The following SPATA22 variants were observed in gnomAD, a reference collection of about 807,000 sequenced individuals.
SPATA22 encodes spermatogenesis-associated protein 22.
Under a neutral mutation model 47.8 loss-of-function variants are expected in SPATA22, and 29 were observed. The ratio of observed to expected loss-of-function variants is 0.61; its 90% confidence interval spans 0.45 to 0.83. The LOEUF (loss-of-function observed/expected upper bound fraction) is 0.83. Ranked by LOEUF, SPATA22 falls within the 40% of genes least tolerant of loss-of-function variation. SPATA22 has a pLI of 0.00. For missense variants in SPATA22, 410 were observed against 421.7 expected, an observed-to-expected ratio of 0.97 and a Z score of 0.24; for synonymous variants, 133 against 140.9, an observed-to-expected ratio of 0.94 and a Z score of 0.40.
chr17:3,510,166 T>C (rs755044098), intron 1 of SPATA22, among the ~76,000 whole-genome samples: 2 of 152,172 alleles, frequency 1.3e-5, no homozygotes, highest in Non-Finnish European at 2.9e-5. Context: ...GATAGAGCAC[T>C]CTTTGAGGGC....
chr17:3,470,665 G>A (rs1023520226), intron 1 of SPATA22, among the ~76,000 whole-genome samples: 1 of 151,704 alleles, frequency 6.6e-6, no homozygotes, highest in Non-Finnish European at 1.5e-5. Flanking sequence ...GCAGGAGAAT[G>A]GCATGAACTC....
At chr17:3,481,949 G>C (rs2073639055) in intron 1 of SPATA22, 5 of 703,738 alleles carry the variant, frequency 7.1e-6, no homozygotes. Context: ...GGGGGGAAAG[G>C]GTGCTACCAG....
intron 1 of SPATA22, among the ~76,000 whole-genome samples, chr17:3,483,092 C>T (rs972033167): frequency 1.3e-4 from 19 of 151,874 alleles, no homozygotes; most frequent in African/African-American, 4.6e-4. Flanking sequence ...GGGGAATCAC[C>T]CAACATCTGT....
At position 3,471,802 on chromosome 17, in the gene SPATA22, G is replaced by T; in HGVS notation, c.-194C>A. ...AGCAACCGCCGCCCTTCCCGCCCGCGAAGAAAGCGCGGGAATCAGGCTGTT... is the reference window on the plus strand; with the variant it reads ...AGCAACCGCCGCCCTTCCCGCCCGCTAAGAAAGCGCGGGAATCAGGCTGTT... On this transcript the variant is annotated 5_prime_UTR_variant, in exon 1 of 9. Coordinates refer to ENST00000572969, the MANE Select transcript of SPATA22 (RefSeq NM_001170698.2). The T allele has an allele frequency of 1.0e-6, 1 of 985,498 alleles. No individual in the cohort carries two copies. Among genetic ancestry groups the T allele is most frequent in the Non-Finnish European group, 1.2e-6 (1 of 829,956 alleles). 61.0% of individuals were successfully genotyped at this position (985,498 alleles called of 1,614,324 possible).
At chr17:3,454,486 T>TC (rs35283496) in intron 5 of SPATA22, among the ~76,000 whole-genome samples, 1 of 151,848 alleles carries the variant, frequency 6.6e-6, no homozygotes, top group Non-Finnish European at 1.5e-5. Context: ...AGTGTGATGT[T>TC]CCCCTTCCTG....
chr17:3,468,828 T>C, intron 2 of SPATA22: 1 of 719,230 alleles, frequency 1.4e-6, no homozygotes. Flanking sequence ...CCATAAATAA[T>C]AGTTACTATT....
In SPATA22 at chr17:3,469,295, G is replaced by A. The variant is rs774490625; in HGVS notation, c.31C>T (p.Arg11Ter). 8 of 1,549,792 alleles carry A rather than the reference G, an allele frequency of 5.2e-6. No individual in the cohort carries two copies. Among genetic ancestry groups the A allele is most frequent in the African/African-American group, 2.7e-5 (2 of 73,686 alleles). MKRSLNENSA[R>*]STAGCLPVPL... ...AGTTGTTCAATACCTGCTGTACTTC[G>A]AGCTGAATTTTCATTTAGGCTTCGC... Residue 11 changes from arginine to a stop codon, truncating the protein, a stop_gained, in exon 2 of 9, where the codon CGA becomes TGA. Coordinates refer to ENST00000572969, the MANE Select transcript of SPATA22 (RefSeq NM_001170698.2). LOFTEE classifies it high-confidence loss of function.
At chr17:3,457,636 G>C in intron 5 of SPATA22, among the ~76,000 whole-genome samples, 1 of 142,776 alleles carries the variant, frequency 7.0e-6, no homozygotes. Flanking sequence ...CAGGCACATA[G>C]ATCAACAGAA....
intron 3 of SPATA22, among the ~76,000 whole-genome samples, chr17:3,464,565 A>G (rs1597406413): frequency 8.0e-6 from 1 of 125,744 alleles, no homozygotes; most frequent in African/African-American, 2.8e-5. Context: ...CATCCCATCT[A>G]GGAAGTGAGG....
upstream of SPATA22, among the ~76,000 whole-genome samples, chr17:3,476,655 G>C (rs1460898455): frequency 6.6e-6 from 1 of 152,144 alleles, no homozygotes; most frequent in Non-Finnish European, 1.5e-5. Flanking sequence ...TACAGACTGA[G>C]ACAATAAATA....
At chr17:3,467,141 G>A (rs929002530) in intron 3 of SPATA22, among the ~76,000 whole-genome samples, 6 of 151,862 alleles carry the variant, frequency 4.0e-5, no homozygotes, top group Non-Finnish European at 7.4e-5. Context: ...CAATATCCAC[G>A]TGAATTTTGA....
chr17:3,445,631 C>T (rs1336198474), intron 7 of SPATA22, among the ~76,000 whole-genome samples: 2 of 152,100 alleles, frequency 1.3e-5, no homozygotes, highest in East Asian at 3.8e-4. Flanking sequence ...AAAATGAATA[C>T]AGCGTGCTTT....
upstream of SPATA22, among the ~76,000 whole-genome samples, chr17:3,473,656 G>A (rs746171348): frequency 2.0e-5 from 3 of 151,998 alleles, no homozygotes; most frequent in African/African-American, 4.8e-5. Flanking sequence ...CCGCCACCAC[G>A]CCCAGGTAAT....
At chr17:3,445,826 G>A (rs1268611190) in intron 7 of SPATA22, among the ~76,000 whole-genome samples, 1 of 151,742 alleles carries the variant, frequency 6.6e-6, no homozygotes, top group Non-Finnish European at 1.5e-5. Context: ...TATATAACAG[G>A]ACAAAAGGAA....
intron 1 of SPATA22, among the ~76,000 whole-genome samples, chr17:3,506,605 A>G (rs762670887): frequency 6.6e-6 from 1 of 152,220 alleles, no homozygotes; most frequent in Non-Finnish European, 1.5e-5. Flanking sequence ...GCTCAAGAGC[A>G]TAGAGAGCAT....
At chr17:3,486,409 G>C (rs1414901319) in intron 1 of SPATA22, among the ~76,000 whole-genome samples, 2 of 152,182 alleles carry the variant, frequency 1.3e-5, no homozygotes, top group African/African-American at 4.8e-5. Context: ...GATCCATGAA[G>C]AATCCTCTCT....
intron 1 of SPATA22, among the ~76,000 whole-genome samples, chr17:3,483,983 A>G (rs1233757824): frequency 1.3e-5 from 2 of 152,190 alleles, no homozygotes; most frequent in Non-Finnish European, 2.9e-5. Context: ...AAAAACATTT[A>G]CAGCTACCTT....
intron 1 of SPATA22, among the ~76,000 whole-genome samples, chr17:3,481,007 C>T (rs1219666493): frequency 6.6e-6 from 1 of 152,048 alleles, no homozygotes; most frequent in Non-Finnish European, 1.5e-5. Context: ...GTAGTTTCAG[C>T]AGCTACTCAG....
chr17:3,476,754 A>G (rs1244382927), upstream of SPATA22, among the ~76,000 whole-genome samples: 1 of 152,226 alleles, frequency 6.6e-6, no homozygotes, highest in African/African-American at 2.4e-5. Context: ...CTATGCTTGC[A>G]TATAAAATTG....
Sources: gnomAD v4.1 joint callset for allele counts (sites outside exome capture counted in the v4.1 genomes callset) on GRCh38, gnomAD v4.1.1 for gene constraint, MANE v1.5 for transcripts, NCBI Gene and HGNC (gene_info 2026-07-23, HGNC 2026-07-21) for gene names.